CYTH3: variants seen among roughly 807,000 people sequenced by gnomAD.
CYTH3 encodes the protein cytohesin-3.
A neutral mutation model predicts 55.1 loss-of-function variants in CYTH3; 23 were observed. The ratio of observed to expected loss-of-function variants is 0.42; its 90% CI spans 0.30 to 0.59. The LOEUF (loss-of-function observed/expected upper bound fraction) is 0.59, where lower values mean the gene tolerates loss of function less well. Among genes scored for constraint, CYTH3 ranks in the 20% least tolerant of loss-of-function variants. CYTH3 has a pLI of 0.20. For missense variants in CYTH3, 413 were observed against 524.8 expected, an observed-to-expected ratio of 0.79 and a Z score of 2.08; for synonymous variants, 249 against 194.9, an observed-to-expected ratio of 1.28 and a Z score of -2.31.
intron 1 of CYTH3, among the ~76,000 whole-genome samples, chr7:6,203,637 T>C (rs1784112427): frequency 6.6e-6 from 1 of 152,164 alleles, no homozygotes; most frequent in Non-Finnish European, 1.5e-5. Context: ...ATATCAACTA[T>C]TCTGAGTAGA....
intron 4 of CYTH3, among the ~76,000 whole-genome samples, chr7:6,180,513 C>A (rs182761553): frequency 6.6e-5 from 10 of 152,158 alleles, no homozygotes; most frequent in African/African-American, 2.4e-4. Context: ...CCGCCAGGAG[C>A]GAGGCTGGAA....
chr7:6,206,529 C>G (rs1784192177), intron 1 of CYTH3, among the ~76,000 whole-genome samples: 1 of 152,212 alleles, frequency 6.6e-6, no homozygotes, highest in African/African-American at 2.4e-5. Flanking sequence ...TCAATTTAGG[C>G]AGTAGATGCA....
intron 1 of CYTH3, among the ~76,000 whole-genome samples, chr7:6,247,114 A>G (rs1288032884): frequency 6.6e-6 from 1 of 152,268 alleles, no homozygotes; most frequent in African/African-American, 2.4e-5. Context: ...CACTGAAGGC[A>G]GTGTGCTAGC....
rs1782916208 is a variant in CYTH3, at chr7:6,164,051, A to T, written c.*893T>A. 1 of 152,148 alleles carries T rather than the reference A, an allele frequency of 6.6e-6. No homozygotes were observed. The highest frequency in any genetic ancestry group is 1.5e-5 in the Non-Finnish European group (1 of 68,030). The allele number at this position is 152,148 out of a possible 1,614,324, so 9.4% of individuals were successfully genotyped here. On this transcript the variant is annotated 3_prime_UTR_variant, in exon 13 of 13. Transcript: ENST00000350796. Reference sequence around the variant, plus strand: ...ACAGCCTAAACACCCCCAAACCATTAACTGTTATAATTTTAATGATTTGCT... The same window carrying T: ...ACAGCCTAAACACCCCCAAACCATTTACTGTTATAATTTTAATGATTTGCT...
At chr7:6,210,012 T>G (rs1390724733) in intron 1 of CYTH3, among the ~76,000 whole-genome samples, 1 of 152,152 alleles carries the variant, frequency 6.6e-6, no homozygotes, top group African/African-American at 2.4e-5. Context: ...GTGAAACTCT[T>G]CTGTATGATA....
At chr7:6,178,005 G>A in intron 4 of CYTH3, 64 bp from the exon 5 acceptor site, 1 of 1,250,352 alleles carries the variant, frequency 8.0e-7, no homozygotes, top group East Asian at 2.3e-5. Context: ...TTCAAAGACA[G>A]AAATACACTT....
At chr7:6,260,381 T>A (rs927770917) in intron 1 of CYTH3, among the ~76,000 whole-genome samples, 21 of 152,184 alleles carry the variant, frequency 1.4e-4, no homozygotes, top group African/African-American at 5.1e-4. Context: ...CTGTGAAAAC[T>A]TCCTTGAGAA....
chr7:6,174,705 G>A (rs1190824982), intron 5 of CYTH3, among the ~76,000 whole-genome samples: 4 of 152,032 alleles, frequency 2.6e-5, no homozygotes, highest in Admixed American at 6.5e-5. Context: ...CCGCCAGCAC[G>A]CCTGGCTAAT....
chr7:6,248,236 C>G (rs952358884), intron 1 of CYTH3, among the ~76,000 whole-genome samples: 3 of 148,562 alleles, frequency 2.0e-5, no homozygotes, highest in Non-Finnish European at 3.0e-5. Flanking sequence ...CTCCCCCAAC[C>G]CCCCCCCAGC....
At chr7:6,206,133 A>G (rs569112459) in intron 1 of CYTH3, among the ~76,000 whole-genome samples, 2 of 152,226 alleles carry the variant, frequency 1.3e-5, no homozygotes, top group African/African-American at 4.8e-5. Flanking sequence ...AAGTAAAAAC[A>G]TATGTCCACA....
intron 1 of CYTH3, among the ~76,000 whole-genome samples, chr7:6,255,866 C>G (rs1024393353): frequency 1.3e-5 from 2 of 149,844 alleles, no homozygotes; most frequent in South Asian, 4.2e-4. Context: ...CAGGTTAACG[C>G]GATTCTCCTG....
chr7:6,239,168 C>T (rs1331479683), intron 1 of CYTH3, among the ~76,000 whole-genome samples: 3 of 152,140 alleles, frequency 2.0e-5, no homozygotes, highest in South Asian at 2.1e-4. Flanking sequence ...AGGCTATGAT[C>T]GCACCACTTT....
intron 1 of CYTH3, among the ~76,000 whole-genome samples, chr7:6,232,017 G>T (rs116755106): frequency 2.0e-5 from 3 of 152,106 alleles, no homozygotes; most frequent in Non-Finnish European, 4.4e-5. Flanking sequence ...TTTTAAACTT[G>T]CCTCTTTTCC....
rs553938115 is a variant in CYTH3 at position 6,162,325 on chromosome 7, G to C, written c.*2619C>G. On this transcript the variant is annotated 3_prime_UTR_variant, in exon 13 of 13. Transcript: ENST00000350796. ...GTGGCAGTCGCCGCCGCCTCCCCGC[G>C]GGGCTCCCCTCACTGCCTCCTGGCC... is the stretch of plus-strand genomic sequence containing the variant. 6.6e-6 allele frequency: 1 copy of C among 152,234 alleles called. No individual in the cohort carries two copies. Among genetic ancestry groups the C allele is most frequent in the Non-Finnish European group, 1.5e-5 (1 of 68,048 alleles). The allele number at this position is 152,234 out of a possible 1,614,324, so 9.4% of individuals were successfully genotyped here.
chr7:6,253,591 G>T (rs1337386126), intron 1 of CYTH3, among the ~76,000 whole-genome samples: 1 of 151,980 alleles, frequency 6.6e-6, no homozygotes, highest in Non-Finnish European at 1.5e-5. Flanking sequence ...GCCAAGGCGG[G>T]CAGATCACAA....
chr7:6,244,360 A>T (rs1348497625), intron 1 of CYTH3, among the ~76,000 whole-genome samples: 1 of 152,262 alleles, frequency 6.6e-6, no homozygotes, highest in Non-Finnish European at 1.5e-5. Context: ...TTAATTACAG[A>T]CTAATTGCTT....
chr7:6,186,243 C>CAA (rs35117209), intron 4 of CYTH3, among the ~76,000 whole-genome samples: 75 of 77,132 alleles, frequency 9.7e-4, no homozygotes, highest in Middle Eastern at 8.3e-3. Flanking sequence ...GACTCTATCT[C>CAA]AAAAAAAAAA....
At chr7:6,202,526 G>A (rs1441252017) in intron 1 of CYTH3, among the ~76,000 whole-genome samples, 2 of 149,430 alleles carry the variant, frequency 1.3e-5, no homozygotes, top group Non-Finnish European at 3.0e-5. Context: ...GCAGTGGTGC[G>A]AATCTCAGCT....
chr7:6,182,099 G>C (rs1056718665), intron 4 of CYTH3, among the ~76,000 whole-genome samples: 1 of 152,076 alleles, frequency 6.6e-6, no homozygotes, highest in Non-Finnish European at 1.5e-5. Context: ...CCAGGCTGGA[G>C]TGCATTAGTG....
Sources: gnomAD v4.1 joint callset for allele counts (sites outside exome capture counted in the v4.1 genomes callset) on GRCh38, gnomAD v4.1.1 for gene constraint, MANE v1.5 for transcripts, NCBI Gene and HGNC (gene_info 2026-07-23, HGNC 2026-07-21) for gene names.